The following AHNAK variants were observed in gnomAD, a reference collection of about 807,000 sequenced individuals.
AHNAK encodes neuroblast differentiation-associated protein AHNAK.
AHNAK carries 23 observed loss-of-function variants against 37.8 expected under a neutral mutation model. The ratio of observed to expected loss-of-function variants is 0.61; its 90% CI spans 0.44 to 0.86. The LOEUF is 0.86. AHNAK is among the 40% of genes least tolerant of loss of function. The pLI, the probability that AHNAK is intolerant of heterozygous loss-of-function variation, is 0.00. For synonymous variants in AHNAK, 2,481 were observed against 2,636.3 expected (o/e 0.94, Z 1.80); for missense variants, 7,411 against 7,319.4 (o/e 1.01, Z -0.46).
At chr11:62,435,562 G>T (rs555456715) in intron 5 of AHNAK, among the ~76,000 whole-genome samples, 1 of 152,034 alleles carries the variant, frequency 6.6e-6, no homozygotes, top group African/African-American at 2.4e-5. Flanking sequence ...ACAGGCGCCC[G>T]TCACCTCGCC....
chr11:62,483,151 C>T (rs1939310715), intron 5 of AHNAK, among the ~76,000 whole-genome samples: 1 of 152,288 alleles, frequency 6.6e-6, no homozygotes, highest in South Asian at 2.1e-4. Flanking sequence ...GACAGAAGAC[C>T]CCGAAGGCCC....
intron 5 of AHNAK, among the ~76,000 whole-genome samples, chr11:62,440,695 C>T (rs1482115650): frequency 3.3e-5 from 5 of 152,124 alleles, no homozygotes; most frequent in Non-Finnish European, 7.4e-5. Context: ...CAGGGAACAA[C>T]AGAGATCTGC....
At chr11:62,514,237 C>G (rs912793164), downstream of AHNAK, among the ~76,000 whole-genome samples, 4 of 152,164 alleles carry the variant, frequency 2.6e-5, no homozygotes, top group Non-Finnish European at 5.9e-5. Context: ...ACCCACTTAC[C>G]CCACCCTCCA....
At chr11:62,510,085 T>C (rs749662639) in intron 4 of AHNAK, among the ~76,000 whole-genome samples, 1 of 151,904 alleles carries the variant, frequency 6.6e-6, no homozygotes, top group Non-Finnish European at 1.5e-5. Context: ...TGAGACGGAG[T>C]CTCACTCTGT....
chr11:62,532,428 C>A lies in AHNAK; in HGVS notation c.1989G>T (p.Lys663Asn). 1 of 1,614,104 alleles carries A rather than the reference C, an allele frequency of 6.2e-7. No individual in the cohort carries two copies. Residue 663 changes from lysine (K) to asparagine (N), a missense_variant, in exon 5 of 5, where the codon AAG (lysine) becomes AAT (asparagine). By Grantham distance (94) the Lys-to-Asn change is moderately conservative. Transcript: ENST00000378024. ...TGACATCTGGGGCTTCCACATTGAC[C>A]TTGGGCCCTGAAATACTGATATCTC... ...PKGDISISGP[K>N]VNVEAPDVNL...
In AHNAK at chr11:62,521,667, C is replaced by T; in HGVS notation, c.12750G>A (p.Met4250Ile). 1 of 1,613,980 alleles carries T rather than the reference C, an allele frequency of 6.2e-7. No homozygotes were observed. The highest frequency in any genetic ancestry group is 8.5e-7 in the Non-Finnish European group (1 of 1,180,006). ...LKGPKFKMPEMNIKAPKISMP... is the reference protein window; with the variant it reads ...LKGPKFKMPEINIKAPKISMP... ...TGGAGATCTTGGGGGCTTTGATGTT[C>T]ATCTCAGGCATCTTGAATTTAGGGC... Residue 4250 changes from methionine (M) to isoleucine (I), a missense_variant, in exon 5 of 5, where the codon ATG (methionine) becomes ATA (isoleucine). Met to Ile is a conservative substitution (Grantham distance 10). Transcript: ENST00000378024.
chr11:62,461,393 C>G (rs952280866), intron 5 of AHNAK, among the ~76,000 whole-genome samples: 1 of 151,982 alleles, frequency 6.6e-6, no homozygotes, highest in East Asian at 1.9e-4. Context: ...ATCTGCCCAC[C>G]TCGGCCTCCC....
At chr11:62,514,111 A>G (rs1329278911), downstream of AHNAK, among the ~76,000 whole-genome samples, 1 of 152,088 alleles carries the variant, frequency 6.6e-6, no homozygotes, top group African/African-American at 2.4e-5. Flanking sequence ...TTTAATTGAT[A>G]TATTATTGGA....
intron 5 of AHNAK, among the ~76,000 whole-genome samples, chr11:62,435,712 CTATT>C (rs769342051): frequency 4.6e-5 from 7 of 152,118 alleles, no homozygotes; most frequent in Non-Finnish European, 1.5e-5. Flanking sequence ...CGCACCCGGC[CTATT>C]TATTTATCTT....
At chr11:62,542,108 G>T (rs1361377558) in intron 1 of AHNAK, 8 of 152,420 alleles carry the variant, frequency 5.2e-5, no homozygotes, top group African/African-American at 1.9e-4. Flanking sequence ...CATGCAACTT[G>T]GGCACCTTCA....
intron 5 of AHNAK, among the ~76,000 whole-genome samples, chr11:62,440,770 G>A (rs1938289203): frequency 6.6e-6 from 1 of 152,190 alleles, no homozygotes; most frequent in African/African-American, 2.4e-5. Context: ...AGATCCCCAG[G>A]ACAGTTGAGG....
intron 5 of AHNAK, among the ~76,000 whole-genome samples, chr11:62,470,443 CA>C (rs1190566321): frequency 5.5e-4 from 73 of 133,374 alleles, no homozygotes; most frequent in Admixed American, 5.3e-4. Context: ...GACTCTGTCT[CA>C]AAAAAAAAAA....
At chr11:62,535,884 T>C in intron 3 of AHNAK, 61 bp downstream of exon 3, 2 of 1,517,246 alleles carry the variant, frequency 1.3e-6, no homozygotes, top group East Asian at 2.4e-5. Context: ...TGCCCTTCCC[T>C]CCAACACCCC....
intron 5 of AHNAK, among the ~76,000 whole-genome samples, chr11:62,439,866 C>CCAT (rs1196153715): frequency 6.6e-6 from 1 of 151,820 alleles, no homozygotes; most frequent in Non-Finnish European, 1.5e-5. Context: ...TGAGGTTTTG[C>CCAT]CATGTTAGCC....
chr11:62,458,754 T>A (rs762762635), intron 5 of AHNAK, among the ~76,000 whole-genome samples: 2 of 151,944 alleles, frequency 1.3e-5, no homozygotes, highest in African/African-American at 2.4e-5. Context: ...TTCCTCAAGG[T>A]GTAGATCCTG....
intron 5 of AHNAK, among the ~76,000 whole-genome samples, chr11:62,485,049 A>T (rs2134879524): frequency 6.6e-6 from 1 of 152,142 alleles, no homozygotes; most frequent in African/African-American, 2.4e-5. Flanking sequence ...TCGGCCTCCC[A>T]AAGTGCTGGG....
In AHNAK at chr11:62,520,103, G is replaced by C; in HGVS notation, c.14314C>G (p.His4772Asp). 1.2e-6 allele frequency: 2 copies of C among 1,612,834 alleles called. No individual in the cohort carries two copies. The highest frequency in any genetic ancestry group is 1.7e-6 in the Non-Finnish European group (2 of 1,179,714). ...VDINTPDVDV[H>D]GPDWHLKMPK... The stretch of plus-strand genomic sequence containing the variant: ...ATCTTCAGGTGCCAGTCTGGGCCAT[G>C]AACATCCACATCAGGGGTGTTGATG... The change falls in exon 5 of 5, where the codon CAT becomes GAT. Residue 4772 changes from histidine (H) to aspartate (D), a missense_variant. Coordinates refer to ENST00000378024, the MANE Select transcript of AHNAK (RefSeq NM_001620.3).
At chr11:62,513,943 C>G (rs548798870), downstream of AHNAK, among the ~76,000 whole-genome samples, 12 of 152,252 alleles carry the variant, frequency 7.9e-5, no homozygotes, top group East Asian at 2.1e-3. Context: ...TTTTTCACAC[C>G]CATCACATCA....
chr11:62,436,188 G>A (rs375437922), intron 5 of AHNAK, among the ~76,000 whole-genome samples: 3 of 152,146 alleles, frequency 2.0e-5, no homozygotes, highest in East Asian at 1.9e-4. Flanking sequence ...ACAAATTCAT[G>A]GAAAGGGTTC....
Sources: gnomAD v4.1 joint callset for allele counts (sites outside exome capture counted in the v4.1 genomes callset) on GRCh38, gnomAD v4.1.1 for gene constraint, MANE v1.5 for transcripts, NCBI Gene and HGNC (gene_info 2026-07-23, HGNC 2026-07-21) for gene names.